JAKMIP1: variants seen among roughly 807,000 people sequenced by gnomAD.
JAKMIP1 encodes the protein janus kinase and microtubule-interacting protein 1.
In JAKMIP1, 33 loss-of-function variants were observed where a neutral mutation model predicts 113.0. That is an observed-to-expected ratio of 0.29 (90% CI 0.22 to 0.39). The LOEUF (loss-of-function observed/expected upper bound fraction) is 0.39, where lower values mean the gene tolerates loss of function less well. JAKMIP1 is among the 10% of genes least tolerant of loss of function. JAKMIP1 has a pLI of 1.00. For synonymous variants in JAKMIP1, 480 were observed against 459.9 expected (o/e 1.04, Z -0.56); for missense variants, 813 against 1,080.5 (o/e 0.75, Z 3.47).
chr4:6,087,299 C>T (rs1022162463), intron 3 of JAKMIP1, among the ~76,000 whole-genome samples: 1 of 150,508 alleles, frequency 6.6e-6, no homozygotes, highest in African/African-American at 2.5e-5. Context: ...GCAGGTTGGG[C>T]CACCTCTCTG....
At chr4:6,039,508 C>T (rs757709180) in intron 18 of JAKMIP1, among the ~76,000 whole-genome samples, 9 of 152,066 alleles carry the variant, frequency 5.9e-5, no homozygotes, top group African/African-American at 9.7e-5. Flanking sequence ...GGATGCATGA[C>T]GGGGATGGCC....
chr4:6,074,233 C>G (rs151076096), intron 8 of JAKMIP1, among the ~76,000 whole-genome samples: 74 of 152,368 alleles, frequency 4.9e-4, no homozygotes, highest in Non-Finnish European at 8.7e-4. Flanking sequence ...CTGCTTTGCC[C>G]TGACTGCATC....
At position 6,197,809 on chromosome 4, in the gene JAKMIP1, G is replaced by A. The variant is rs1161122517; in HGVS notation, c.-148+2444C>T. On this transcript the variant is annotated intron_variant, in intron 1 of 20. Coordinates refer to ENST00000409021, the MANE Select transcript of JAKMIP1 (RefSeq NM_001099433.2). This position sits in a 1 kb window ranked among gnomAD's most constrained non-coding sequence, Gnocchi z 6.5. ...TGAAGAGACACAAGGTCCCACCCTCGAGGAGTTAAACAGATAGCCATAGCC... is the reference window on the plus strand; with the variant it reads ...TGAAGAGACACAAGGTCCCACCCTCAAGGAGTTAAACAGATAGCCATAGCC... 3.3e-5 allele frequency among the ~76,000 whole-genome samples: 5 copies of A among 152,208 alleles called. No homozygotes were observed. The highest frequency in any genetic ancestry group is 5.9e-5 in the Non-Finnish European group (4 of 68,036).
In JAKMIP1 at chr4:6,187,591, A is replaced by C. The variant is rs1226815083; in HGVS notation, c.-148+12662T>G. On this transcript the variant is annotated intron_variant, in intron 1 of 20. Transcript: ENST00000409021. The surrounding 1 kb of genome is among the most constrained non-coding windows in gnomAD (Gnocchi z 4.2). ...AGCTCACCCCTTCCACCATGTGAAA[A>C]CACAGCAAGAAGACTGCTGTCAATG... Among the ~76,000 whole-genome samples the C allele has an allele frequency of 6.6e-6, 1 of 152,252 alleles. No individual in the cohort carries two copies. The highest frequency in any genetic ancestry group is 2.4e-5 in the African/African-American group (1 of 41,468).
intron 2 of JAKMIP1, among the ~76,000 whole-genome samples, chr4:6,109,237 A>G (rs1714492227): frequency 1.4e-5 from 2 of 142,410 alleles, no homozygotes; most frequent in Admixed American, 7.7e-5. Context: ...GGTTCACGCC[A>G]TTCTCCTGCC....
intron 3 of JAKMIP1, among the ~76,000 whole-genome samples, chr4:6,101,335 T>C (rs74370649): frequency 0.018 from 2,713 of 152,188 alleles, 38 homozygotes; most frequent in Non-Finnish European, 0.025. Context: ...ATATTGTCCA[T>C]TGAAAGATCA....
At chr4:6,033,910 A>G (rs1412170603) in intron 19 of JAKMIP1, among the ~76,000 whole-genome samples, 2 of 152,196 alleles carry the variant, frequency 1.3e-5, no homozygotes, top group African/African-American at 4.8e-5. Flanking sequence ...TCAGGGGATC[A>G]TGCAGTGTGG....
At chr4:6,149,379 A>C (rs1216021384) in intron 1 of JAKMIP1, among the ~76,000 whole-genome samples, 2 of 152,148 alleles carry the variant, frequency 1.3e-5, no homozygotes, top group Non-Finnish European at 2.9e-5. Context: ...GCCCAGGCCC[A>C]CCCAGGCCAC....
Position 6,187,285 on chromosome 4 carries a change from G to A in JAKMIP1, c.-148+12968C>T, listed in dbSNP as rs1485954684. The stretch of plus-strand genomic sequence containing the variant: ...ACTTTTTTTGTTTTAAACTCATTTT[G>A]TCTAATATCAGTACAGCCCCTTAGC... On this transcript the variant is annotated intron_variant, in intron 1 of 20. Coordinates refer to ENST00000409021, the MANE Select transcript of JAKMIP1 (RefSeq NM_001099433.2). The surrounding 1 kb of genome is among the most constrained non-coding windows in gnomAD (Gnocchi z 4.2). Among the ~76,000 whole-genome samples, 2 of 152,060 alleles carry A rather than the reference G, an allele frequency of 1.3e-5. No individual in the cohort carries two copies. The highest frequency in any genetic ancestry group is 2.9e-5 in the Non-Finnish European group (2 of 68,012).
chr4:6,190,242 G>A (rs964882437), intron 1 of JAKMIP1, among the ~76,000 whole-genome samples: 1 of 152,092 alleles, frequency 6.6e-6, no homozygotes, highest in Non-Finnish European at 1.5e-5. Context: ...ACAACATGAC[G>A]TTACAGGCTG....
intron 1 of JAKMIP1, among the ~76,000 whole-genome samples, chr4:6,121,401 G>A (rs960418851): frequency 6.6e-6 from 1 of 152,186 alleles, no homozygotes; most frequent in African/African-American, 2.4e-5. Context: ...ACTGTTTGGA[G>A]ACCAATACTC....
rs1369541339 is a variant in JAKMIP1 at position 6,088,274 on chromosome 4, A to G, written c.625-2645T>C. On this transcript the variant is annotated intron_variant, in intron 3 of 20. Transcript: ENST00000409021. The surrounding 1 kb of genome is among the most constrained non-coding windows in gnomAD (Gnocchi z 5.5). ...GAGAGTGATTTGTGCTATGAGGGGGAAAAAAAACAATAACAACATCAAAGC... is the reference window on the plus strand; with the variant it reads ...GAGAGTGATTTGTGCTATGAGGGGGGAAAAAAACAATAACAACATCAAAGC... Among the ~76,000 whole-genome samples the G allele has an allele frequency of 1.3e-5, 2 of 151,904 alleles. No homozygotes were observed. The highest frequency in any genetic ancestry group is 2.4e-5 in the African/African-American group (1 of 41,282).
intron 2 of JAKMIP1, 104 bp downstream of exon 2, chr4:6,112,618 G>A (rs552397245): frequency 1.6e-5 from 22 of 1,361,816 alleles, no homozygotes; most frequent in South Asian, 1.2e-4. Flanking sequence ...GCCCCCCCTC[G>A]GCCCCCCTCC....
At position 6,184,912 on chromosome 4, in the gene JAKMIP1, A is replaced by C. The variant is rs545113140; in HGVS notation, c.-148+15341T>G. Among the ~76,000 whole-genome samples, 1 of 152,330 alleles carries C rather than the reference A, an allele frequency of 6.6e-6. No homozygotes were observed. Among genetic ancestry groups the C allele is most frequent in the Admixed American group, 6.5e-5 (1 of 15,304 alleles). On this transcript the variant is annotated intron_variant, in intron 1 of 20. Coordinates refer to ENST00000409021, the MANE Select transcript of JAKMIP1 (RefSeq NM_001099433.2). This position sits in a 1 kb window ranked among gnomAD's most constrained non-coding sequence, Gnocchi z 4.5. ...CTCATCAGCTGCCAGCACAGCTAGA[A>C]TAAAGAAGGCAGAATTTGGAAAGAG...
chr4:6,122,678 C>T (rs371787989), intron 1 of JAKMIP1, among the ~76,000 whole-genome samples: 1 of 152,278 alleles, frequency 6.6e-6, no homozygotes, highest in South Asian at 2.1e-4. Flanking sequence ...CAGTTCATAC[C>T]CCTGAACTGT....
At chr4:6,144,753 C>G (rs1252395951) in intron 1 of JAKMIP1, among the ~76,000 whole-genome samples, 1 of 152,116 alleles carries the variant, frequency 6.6e-6, no homozygotes, top group Admixed American at 6.5e-5. Flanking sequence ...GAGCATCTAC[C>G]AAAACCCCAC....
In JAKMIP1 at chr4:6,143,397, T is replaced by C. The variant is rs1720427963; in HGVS notation, c.-147-30400A>G. Among the ~76,000 whole-genome samples the C allele has an allele frequency of 6.6e-6, 1 of 152,026 alleles. No homozygotes were observed. Among genetic ancestry groups the C allele is most frequent in the African/African-American group, 2.4e-5 (1 of 41,382 alleles). ...GCCTCGAAACTCAGCTGCCACCAAC[T>C]CCTCTCTGGCGCCATGTCTGAACCC... On this transcript the variant is annotated intron_variant, in intron 1 of 20. Coordinates refer to ENST00000409021, the MANE Select transcript of JAKMIP1 (RefSeq NM_001099433.2). The surrounding 1 kb of genome is among the most constrained non-coding windows in gnomAD (Gnocchi z 4.9).
rs1173668968 is a variant in JAKMIP1 at position 6,192,997 on chromosome 4, T to A, written c.-148+7256A>T. 6.6e-6 allele frequency among the ~76,000 whole-genome samples: 1 copy of A among 152,102 alleles called. No homozygotes were observed. The highest frequency in any genetic ancestry group is 1.5e-5 in the Non-Finnish European group (1 of 68,018). ...CAAAAGAGATTAACAATTGAGTCAG[T>A]GGACTGGGAGAGGCAGACCCACCCT... On this transcript the variant is annotated intron_variant, in intron 1 of 20. Transcript: ENST00000409021. This position sits in a 1 kb window ranked among gnomAD's most constrained non-coding sequence, Gnocchi z 5.0.
At chr4:6,060,355 G>A (rs945732190) in intron 11 of JAKMIP1, 69 bp downstream of exon 11, 34 of 1,199,854 alleles carry the variant, frequency 2.8e-5, no homozygotes, top group African/African-American at 1.5e-4. Context: ...GCACAAGGGC[G>A]AGCCCCAGGG....
Sources: gnomAD v4.1 joint callset for allele counts (sites outside exome capture counted in the v4.1 genomes callset) on GRCh38, gnomAD v4.1.1 for gene constraint, Gnocchi (gnomAD v3.1) non-coding constraint, MANE v1.5 for transcripts, NCBI Gene and HGNC (gene_info 2026-07-23, HGNC 2026-07-21) for gene names.